The following MECOM variants were observed in gnomAD, a reference collection of about 807,000 sequenced individuals.
MECOM encodes the protein MDS1 and EVI1 complex locus, also known as histone-lysine N-methyltransferase MECOM.
In MECOM, 13 loss-of-function variants were observed where a neutral mutation model predicts 116.3. That is an observed-to-expected ratio of 0.11 (90% CI 0.07 to 0.18). The LOEUF is 0.18. Ranked by LOEUF, MECOM falls within the 10% of genes least tolerant of loss-of-function variation. The pLI is 1.00. For missense variants in MECOM, 1,299 were observed against 1,509.0 expected, an observed-to-expected ratio of 0.86 and a Z score of 2.31; for synonymous variants, 528 against 535.2, an observed-to-expected ratio of 0.99 and a Z score of 0.19.
chr3:169,573,712 T>C (rs1055176100), intron 1 of MECOM, among the ~76,000 whole-genome samples: 1 of 152,208 alleles, frequency 6.6e-6, no homozygotes, highest in Non-Finnish European at 1.5e-5. Context: ...AATATCTTCA[T>C]ATCTCCCAAG....
intron 1 of MECOM, among the ~76,000 whole-genome samples, chr3:169,433,667 AAGAAAGAAAGAAAGAAAGAAAGAG>A (rs1462843685): frequency 7.1e-6 from 1 of 141,526 alleles, no homozygotes; most frequent in African/African-American, 2.7e-5. Flanking sequence ...GAAAGAAAGA[AAGAAAGAAAGAAAGAAAGAAAGAG>A]AAAGAAAGAA....
chr3:169,203,364 G>A (rs952139799), intron 2 of MECOM, among the ~76,000 whole-genome samples: 3 of 152,004 alleles, frequency 2.0e-5, no homozygotes, highest in African/African-American at 7.3e-5. Context: ...CTGGATTGGA[G>A]TCTAAGTTTG....
At chr3:169,220,508 T>G (rs1457053619) in intron 2 of MECOM, among the ~76,000 whole-genome samples, 7 of 152,112 alleles carry the variant, frequency 4.6e-5, no homozygotes, top group Non-Finnish European at 2.9e-5. Context: ...GGAGTCTCCC[T>G]CTATCACCCA....
chr3:169,387,665 G>C (rs915955555), intron 1 of MECOM, among the ~76,000 whole-genome samples: 5 of 152,134 alleles, frequency 3.3e-5, no homozygotes, highest in African/African-American at 1.2e-4. Flanking sequence ...TTATTAAGAA[G>C]TTAATTATTT....
chr3:169,197,663 T>A (rs1362237400), intron 2 of MECOM, among the ~76,000 whole-genome samples: 1 of 151,994 alleles, frequency 6.6e-6, no homozygotes, highest in Non-Finnish European at 1.5e-5. Flanking sequence ...CTGTGAATGA[T>A]CTACAGAAAG....
Position 169,099,533 on chromosome 3 carries a change from G to A in MECOM, c.2849+1352C>T, listed in dbSNP as rs561467872. Among the ~76,000 whole-genome samples the A allele has an allele frequency of 2.6e-5, 4 of 152,250 alleles. No homozygotes were observed. In the East Asian group the frequency reaches 7.7e-4, roughly 29 times the overall value. ...AAGCAAGGAATTTGAGAAAACTGAT[G>A]TTTTAAGTTTAGCTCCCTCTAGCTT... On this transcript the variant is annotated intron_variant, in intron 12 of 16. Transcript: ENST00000651503.
chr3:169,643,359 G>A lies in MECOM; in HGVS notation c.37+19977C>T, dbSNP rs1056285798. On this transcript the variant is annotated intron_variant, in intron 1 of 16. Coordinates refer to ENST00000651503, the MANE Select transcript of MECOM (RefSeq NM_004991.4). ...CCAAATATGAGCCTTTAAATATTGA[G>A]TTATTAGCACTGTGTTTTCTAAAGA... Among the ~76,000 whole-genome samples the A allele has an allele frequency of 2.0e-5, 3 of 152,126 alleles. No homozygotes were observed. In the South Asian group the frequency reaches 6.2e-4, roughly 32 times the overall value.
At chr3:169,585,510 C>T (rs1284916155) in intron 1 of MECOM, among the ~76,000 whole-genome samples, 1 of 152,126 alleles carries the variant, frequency 6.6e-6, no homozygotes, top group East Asian at 1.9e-4. Flanking sequence ...GTATATTTCT[C>T]CTCATTTCGC....
chr3:169,190,476 T>C (rs1462013783), intron 2 of MECOM, among the ~76,000 whole-genome samples: 1 of 152,088 alleles, frequency 6.6e-6, no homozygotes, highest in East Asian at 1.9e-4. Context: ...TCCATGAACC[T>C]GCTATCAATG....
At chr3:169,402,757 T>C (rs1736100099) in intron 1 of MECOM, among the ~76,000 whole-genome samples, 1 of 152,184 alleles carries the variant, frequency 6.6e-6, no homozygotes, top group African/African-American at 2.4e-5. Context: ...TGCTTGACAT[T>C]AGTAGCTGTG....
At position 169,414,200 on chromosome 3, in the gene MECOM, C is replaced by A. The variant is rs190642057; in HGVS notation, c.38-32676G>T. 2.0e-3 allele frequency among the ~76,000 whole-genome samples: 305 copies of A among 152,354 alleles called. 2 individuals are homozygous for A. Among genetic ancestry groups the A allele is most frequent in the South Asian group, 0.017 (80 of 4,834 alleles). ...AGCTTCCAGAGGAAGGAGCAGGCAG[C>A]AATCTTTGCTGTTCTGCAGCCTCCA... On this transcript the variant is annotated intron_variant, in intron 1 of 16. Transcript: ENST00000651503.
intron 1 of MECOM, among the ~76,000 whole-genome samples, chr3:169,444,729 G>A (rs1744316831): frequency 6.6e-6 from 1 of 152,194 alleles, no homozygotes; most frequent in Non-Finnish European, 1.5e-5. Context: ...GATTGGAACA[G>A]TTTGGAGGGC....
intron 2 of MECOM, among the ~76,000 whole-genome samples, chr3:169,239,535 T>A (rs1258593496): frequency 6.6e-6 from 1 of 151,856 alleles, no homozygotes; most frequent in Non-Finnish European, 1.5e-5. Flanking sequence ...AAATATAAGT[T>A]AAAATATATT....
intron 1 of MECOM, among the ~76,000 whole-genome samples, chr3:169,384,129 TCTTA>T (rs1732913036): frequency 6.6e-6 from 1 of 152,186 alleles, no homozygotes; most frequent in South Asian, 2.1e-4. Context: ...ACGCTAGGAC[TCTTA>T]CTTTTTCAGA....
intron 2 of MECOM, among the ~76,000 whole-genome samples, chr3:169,208,052 T>A (rs1318522590): frequency 6.6e-6 from 1 of 152,030 alleles, no homozygotes; most frequent in African/African-American, 2.4e-5. Flanking sequence ...TTTACCTCTT[T>A]ACAGATAAGA....
chr3:169,193,014 AG>A (rs1464610467), intron 2 of MECOM, among the ~76,000 whole-genome samples: 1 of 152,020 alleles, frequency 6.6e-6, no homozygotes, highest in African/African-American at 2.4e-5. Flanking sequence ...TGATGGGGGC[AG>A]GGGTAATATC....
At chr3:169,197,530 T>C (rs1415848042) in intron 2 of MECOM, among the ~76,000 whole-genome samples, 1 of 151,902 alleles carries the variant, frequency 6.6e-6, no homozygotes, top group African/African-American at 2.4e-5. Flanking sequence ...TACAAGGCAA[T>C]TCATATGATA....
intron 1 of MECOM, among the ~76,000 whole-genome samples, chr3:169,456,803 A>G (rs1025708896): frequency 6.6e-6 from 1 of 152,142 alleles, no homozygotes; most frequent in African/African-American, 2.4e-5. Context: ...TGAAAGTTTA[A>G]CCAGTATTAG....
chr3:169,218,664 A>G (rs1751724345), intron 2 of MECOM, among the ~76,000 whole-genome samples: 1 of 152,206 alleles, frequency 6.6e-6, no homozygotes, highest in African/African-American at 2.4e-5. Context: ...TTAGGAAAGT[A>G]TCCTTTTTGT....
Sources: gnomAD v4.1 joint callset for allele counts (sites outside exome capture counted in the v4.1 genomes callset) on GRCh38, gnomAD v4.1.1 for gene constraint, MANE v1.5 for transcripts, NCBI Gene and HGNC (gene_info 2026-07-23, HGNC 2026-07-21) for gene names.